The following CTNNA2 variants were observed in gnomAD, a reference collection of about 807,000 sequenced individuals.
CTNNA2 encodes the protein catenin alpha-2.
Under a neutral mutation model 101.0 loss-of-function variants are expected in CTNNA2, and 42 were observed. The observed-to-expected ratio is 0.42, with a 90% CI of 0.32 to 0.54. The LOEUF is 0.54. Among genes scored for constraint, CTNNA2 ranks in the 20% least tolerant of loss-of-function variants. CTNNA2 has a pLI of 0.14. For synonymous variants in CTNNA2, 450 were observed against 456.4 expected (o/e 0.99, Z 0.18); for missense variants, 871 against 1,223.1 (o/e 0.71, Z 4.29).
intron 1 of CTNNA2, among the ~76,000 whole-genome samples, chr2:79,597,995 A>C (rs1231115430): frequency 6.6e-6 from 1 of 152,172 alleles, no homozygotes; most frequent in Admixed American, 6.5e-5. Flanking sequence ...TAATCTTTTT[A>C]CTGTTTGCCA....
At chr2:79,384,811 T>C (rs952774057) in intron 4 of CTNNA2, among the ~76,000 whole-genome samples, 1 of 149,902 alleles carries the variant, frequency 6.7e-6, no homozygotes, top group Non-Finnish European at 1.5e-5. Flanking sequence ...TGATCTCTAA[T>C]CTCACTACTT....
At chr2:79,963,070 CAAAAAAAAA>C (rs56764501) in intron 7 of CTNNA2, among the ~76,000 whole-genome samples, 8 of 66,196 alleles carry the variant, frequency 1.2e-4, no homozygotes, top group Non-Finnish European at 2.1e-4. Flanking sequence ...GACTCCGTCT[CAAAAAAAAA>C]AAAAAAAAAA....
chr2:80,419,651 C>T (rs1175382789), intron 9 of CTNNA2, 50 bp downstream of exon 9: 1 of 1,550,590 alleles, frequency 6.4e-7, no homozygotes, highest in South Asian at 1.2e-5. Flanking sequence ...GGTTCAATCT[C>T]TGCATATGGC....
chr2:79,303,916 T>G (rs1436579462), intron 2 of CTNNA2, among the ~76,000 whole-genome samples: 3 of 151,990 alleles, frequency 2.0e-5, no homozygotes, highest in Non-Finnish European at 4.4e-5. Context: ...GATCAAAGTC[T>G]TCACTGAGAT....
intron 1 of CTNNA2, among the ~76,000 whole-genome samples, chr2:79,647,781 T>G (rs890914469): frequency 1.3e-5 from 2 of 152,188 alleles, no homozygotes; most frequent in African/African-American, 4.8e-5. Context: ...ACAGCAGGCA[T>G]TTACTTCTTG....
chr2:79,189,816 G>T (rs1673828180), intron 1 of CTNNA2, among the ~76,000 whole-genome samples: 1 of 152,058 alleles, frequency 6.6e-6, no homozygotes, highest in Admixed American at 6.6e-5. Context: ...AAGGGTCCTG[G>T]GCTGTGAAAC....
rs749177241 is a variant in CTNNA2, at chr2:80,333,029, T to A, written c.1057-60182T>A. On this transcript the variant is annotated intron_variant, in intron 7 of 18. Transcript: ENST00000402739. ...AGTTTCGTTGGAACACAGCCATACC[T>A]ATTTGTTTACATATTTTCTATGACT... Among the ~76,000 whole-genome samples, 8 of 152,364 alleles carry A rather than the reference T, an allele frequency of 5.3e-5. No homozygotes were observed. In the Middle Eastern group the frequency reaches 0.01, roughly 194 times the overall value.
intron 1 of CTNNA2, among the ~76,000 whole-genome samples, chr2:79,187,600 G>A (rs1444868612): frequency 6.6e-6 from 1 of 152,004 alleles, no homozygotes; most frequent in Non-Finnish European, 1.5e-5. Flanking sequence ...CATATGTATT[G>A]GTAGCACATT....
chr2:79,240,973 A>G (rs574062676), intron 2 of CTNNA2, among the ~76,000 whole-genome samples: 148 of 151,992 alleles, frequency 9.7e-4, no homozygotes, highest in African/African-American at 3.4e-3. Context: ...GGCCCTGCTG[A>G]TTTTCCTATT....
intron 1 of CTNNA2, among the ~76,000 whole-genome samples, chr2:79,520,052 C>A (rs1008710501): frequency 6.6e-6 from 1 of 152,234 alleles, no homozygotes; most frequent in Non-Finnish European, 1.5e-5. Flanking sequence ...TTTCAGAGGA[C>A]CTGGTGGTCA....
At chr2:79,746,189 G>A (rs1320714636) in intron 3 of CTNNA2, among the ~76,000 whole-genome samples, 2 of 152,010 alleles carry the variant, frequency 1.3e-5, no homozygotes, top group South Asian at 2.1e-4. Context: ...TGCTTCCTAG[G>A]CATTTGACTA....
chr2:80,315,304 A>G (rs1678006427), intron 7 of CTNNA2, among the ~76,000 whole-genome samples: 1 of 152,204 alleles, frequency 6.6e-6, no homozygotes, highest in African/African-American at 2.4e-5. Flanking sequence ...GGTGGTTAAA[A>G]CAACAATCAC....
At chr2:79,406,574 G>A (rs971565554) in intron 4 of CTNNA2, among the ~76,000 whole-genome samples, 9 of 151,950 alleles carry the variant, frequency 5.9e-5, no homozygotes, top group Non-Finnish European at 1.3e-4. Context: ...CTGTCTTAGG[G>A]CAGCTGAATA....
intron 3 of CTNNA2, among the ~76,000 whole-genome samples, chr2:79,775,692 A>G (rs934789531): frequency 3.9e-5 from 6 of 152,066 alleles, no homozygotes; most frequent in Non-Finnish European, 5.9e-5. Context: ...ACATTAGGCC[A>G]TTTTTTTATG....
At chr2:79,306,041 A>G (rs1314781777) in intron 2 of CTNNA2, among the ~76,000 whole-genome samples, 2 of 146,656 alleles carry the variant, frequency 1.4e-5, no homozygotes, top group Non-Finnish European at 3.0e-5. Context: ...GCGAGACACC[A>G]TTTCAAAAAA....
chr2:79,570,351 A>T lies in CTNNA2; in HGVS notation c.-6+57144A>T, dbSNP rs1370117770. On this transcript the variant is annotated intron_variant, in intron 1 of 18. Coordinates refer to ENST00000402739, the MANE Select transcript of CTNNA2 (RefSeq NM_001282597.3). ...AGTCTCAGGTGTTTAGCAGGTGCCT[A>T]GAAATGATTTTTTTCTTTAAACATT... is the stretch of plus-strand genomic sequence containing the variant. Among the ~76,000 whole-genome samples, 12 of 152,150 alleles carry T rather than the reference A, an allele frequency of 7.9e-5. No individual in the cohort carries two copies. In the East Asian group the frequency reaches 2.3e-3, roughly 29 times the overall value.
At chr2:79,464,878 T>TA (rs1670916995) in intron 4 of CTNNA2, among the ~76,000 whole-genome samples, 1 of 152,202 alleles carries the variant, frequency 6.6e-6, no homozygotes, top group Admixed American at 6.5e-5. Context: ...AGATTCTGGA[T>TA]AATAGCCCTT....
At chr2:79,893,127 T>A (rs1482464860) in intron 6 of CTNNA2, among the ~76,000 whole-genome samples, 1 of 150,906 alleles carries the variant, frequency 6.6e-6, no homozygotes, top group East Asian at 1.9e-4. Context: ...AGTAAAAAAA[T>A]ATTTGAGAAT....
chr2:79,296,616 C>T (rs1347841599), intron 2 of CTNNA2, among the ~76,000 whole-genome samples: 1 of 151,992 alleles, frequency 6.6e-6, no homozygotes, highest in African/African-American at 2.4e-5. Flanking sequence ...AGACAAGGAC[C>T]CAATATTCAT....
Sources: allele counts gnomAD v4.1 joint callset (sites outside exome capture counted in the v4.1 genomes callset), GRCh38; gene constraint gnomAD v4.1.1; transcripts MANE v1.5; gene names NCBI Gene and HGNC (gene_info 2026-07-23, HGNC 2026-07-21).